The following ZFYVE16 variants were observed in gnomAD, a reference collection of about 807,000 sequenced individuals.
The protein encoded by ZFYVE16 is zinc finger FYVE domain-containing protein 16.
A neutral mutation model predicts 138.1 loss-of-function variants in ZFYVE16; 89 were observed. That is an observed-to-expected ratio of 0.64 (90% CI 0.54 to 0.77). The LOEUF is 0.77. ZFYVE16 is among the 30% of genes least tolerant of loss of function. The pLI, the probability that ZFYVE16 is intolerant of heterozygous loss-of-function variation, is 0.00. For missense variants in ZFYVE16, 1,793 were observed against 1,786.7 expected, an observed-to-expected ratio of 1.00 and a Z score of -0.06; for synonymous variants, 596 against 618.3, an observed-to-expected ratio of 0.96 and a Z score of 0.53.
chr5:80,448,003 T>A (rs1418681287), intron 7 of ZFYVE16, 23 bp from the exon 8 acceptor site: 25 of 1,533,200 alleles, frequency 1.6e-5, no homozygotes, highest in Non-Finnish European at 2.0e-5. Flanking sequence ...GATTTGTTAT[T>A]TTTTTTATTA....
chr5:80,441,028 A>G (rs1271606039), intron 5 of ZFYVE16: 2 of 985,222 alleles, frequency 2.0e-6, no homozygotes, highest in Admixed American at 6.2e-5. Flanking sequence ...TTATGTTTCC[A>G]TGTTACCACC....
In ZFYVE16 at chr5:80,437,288, C is replaced by T. The variant is rs750879003; in HGVS notation, c.603C>T (p.Ile201=). ...GTTCTGAATTACAAAATAGAGAAAT[C>T]GGAGGAATCAAAGAATTGGGTATAA... ...DISSELQNRE[I]GGIKELGIKV... Residue 201 remains isoleucine, a synonymous_variant, in exon 4 of 19, where the codon ATC becomes ATT. Transcript: ENST00000505560. The T allele has an allele frequency of 7.5e-5, 120 of 1,608,332 alleles. No homozygotes were observed. The South Asian group carries it at 8.8e-4, about 12-fold the overall frequency.
rs185048651 is a variant in ZFYVE16, at chr5:80,444,795, A to G, written c.2582-468A>G. ...AAGAATATATAGATAAGCAATATAT[A>G]TATATGCTTCAGTCTACTGCACTTT... On this transcript the variant is annotated intron_variant, in intron 6 of 18. Transcript: ENST00000505560. 3.3e-5 allele frequency among the ~76,000 whole-genome samples: 5 copies of G among 151,954 alleles called. No homozygotes were observed. The East Asian group carries it at 7.7e-4, about 23-fold the overall frequency.
chr5:80,411,788 C>T (rs1745493726), intron 1 of ZFYVE16: 1 of 152,192 alleles, frequency 6.6e-6, no homozygotes, highest in Admixed American at 6.5e-5. Flanking sequence ...TTCAAACAGT[C>T]CAAACGTGAA....
At chr5:80,427,916 G>A (rs994773528) in intron 2 of ZFYVE16, among the ~76,000 whole-genome samples, 12 of 122,940 alleles carry the variant, frequency 9.8e-5, no homozygotes, top group African/African-American at 3.5e-4. Context: ...AGGTTGCAGT[G>A]AGCCAAGACA....
rs747445748 is a variant in ZFYVE16 at position 80,436,961 on chromosome 5, A to G, written c.276A>G (p.Gln92=). Residue 92 remains glutamine, a synonymous_variant, in exon 4 of 19, where the codon CAA becomes CAG. Coordinates refer to ENST00000505560, the MANE Select transcript of ZFYVE16 (RefSeq NM_001284236.3). The part of the protein sequence containing the change: ...EKTLKGLTSI[Q]NEKNVTGLDL... ...CACTCAAGGGACTTACTTCTATACA[A>G]AATGAAAAAAATGTAACAGGACTTG... 1.2e-6 allele frequency: 2 copies of G among 1,614,116 alleles called. No homozygotes were observed. Among genetic ancestry groups the G allele is most frequent in the South Asian group, 2.2e-5 (2 of 91,078 alleles).
intron 5 of ZFYVE16, chr5:80,441,332 AG>A: frequency 5.1e-6 from 5 of 985,458 alleles, no homozygotes; most frequent in Non-Finnish European, 6.0e-6. Flanking sequence ...AAAGAAATTC[AG>A]TAGAATACTG....
In ZFYVE16 at chr5:80,476,310, A is replaced by G. The variant is rs532799580; in HGVS notation, c.4462-909A>G. On this transcript the variant is annotated intron_variant, in intron 18 of 18. Coordinates refer to ENST00000505560, the MANE Select transcript of ZFYVE16 (RefSeq NM_001284236.3). ...GACAATTTGATAGGTGAAAAATAAT[A>G]CCACATTATTATTAATATTATTATT... is the stretch of plus-strand genomic sequence containing the variant. Among the ~76,000 whole-genome samples the G allele has an allele frequency of 5.9e-5, 9 of 152,122 alleles. No individual in the cohort carries two copies. In the South Asian group the frequency reaches 1.7e-3, roughly 28 times the overall value.
At position 80,456,932 on chromosome 5, in the gene ZFYVE16, TG is replaced by T. The variant is rs769173253; in HGVS notation, c.3796-12del. The T allele has an allele frequency of 6.3e-7, 1 of 1,580,836 alleles. No individual in the cohort carries two copies. Among genetic ancestry groups the T allele is most frequent in the Non-Finnish European group, 8.5e-7 (1 of 1,169,728 alleles). On this transcript the variant is annotated splice_polypyrimidine_tract_variant and intron_variant, in intron 13 of 18. Coordinates refer to ENST00000505560, the MANE Select transcript of ZFYVE16 (RefSeq NM_001284236.3). ...GTTTCTAAATAAATGTTGTTGTTTT[TG>T]TTTTTTTCCAGGTAATGAAAGTACT...
rs1561281347 is a variant in ZFYVE16, at chr5:80,439,977, A to G, written c.2364A>G (p.Gln788=). The part of the protein sequence containing the change: ...GVCCNRKCKL[Q]YLEKEARVCV... ...GTTGTAATAGGAAGTGTAAACTGCA[A>G]TATCTAGAAAAGGAAGCAAGAGTAT... Residue 788 remains glutamine, a synonymous_variant, in exon 5 of 19, where the codon CAA becomes CAG. Transcript: ENST00000505560. The G allele has an allele frequency of 1.2e-6, 2 of 1,611,538 alleles. No individual in the cohort carries two copies. The highest frequency in any genetic ancestry group is 1.7e-6 in the Non-Finnish European group (2 of 1,178,688).
At chr5:80,435,630 G>A in intron 3 of ZFYVE16, 2 of 279,546 alleles carry the variant, frequency 7.2e-6, no homozygotes, top group Non-Finnish European at 1.4e-5. Flanking sequence ...GTGCAATGGT[G>A]CAGTCATAGC....
At position 80,462,621 on chromosome 5, in the gene ZFYVE16, T is replaced by G. The variant is rs556449342; in HGVS notation, c.4024+3127T>G. Among the ~76,000 whole-genome samples the G allele has an allele frequency of 3.3e-5, 5 of 152,286 alleles. No homozygotes were observed. The South Asian group carries it at 8.3e-4, about 25-fold the overall frequency. ...CCCTCCCAAATCTCACGTCCTCACA[T>G]TTCAAGACACAAACATGCCTTTGCA... On this transcript the variant is annotated intron_variant, in intron 15 of 18. Transcript: ENST00000505560.
At chr5:80,445,208 TAA>T in intron 6 of ZFYVE16, 53 bp from the exon 7 acceptor site, 1 of 1,582,088 alleles carries the variant, frequency 6.3e-7, no homozygotes, top group South Asian at 1.2e-5. Flanking sequence ...TTTTTGGCAT[TAA>T]ATCATTGCCA....
Position 80,426,300 on chromosome 5 carries a change from A to G in ZFYVE16, c.-93-1192A>G, listed in dbSNP as rs997989847. Among the ~76,000 whole-genome samples, 45 of 148,658 alleles carry G rather than the reference A, an allele frequency of 3.0e-4. No homozygotes were observed. In the South Asian group the frequency reaches 9.3e-3, roughly 31 times the overall value. ...TATATATATATATATATATAATTAA[A>G]TTTAAAGTTCCAGGATACATGTGCA... On this transcript the variant is annotated intron_variant, in intron 1 of 18. Coordinates refer to ENST00000505560, the MANE Select transcript of ZFYVE16 (RefSeq NM_001284236.3).
rs775754317 is a variant in ZFYVE16 at position 80,437,079 on chromosome 5, G to T, written c.394G>T (p.Asp132Tyr). Residue 132 changes from aspartate (D) to tyrosine (Y), a missense_variant, in exon 4 of 19, where the codon GAC becomes TAC. Coordinates refer to ENST00000505560, the MANE Select transcript of ZFYVE16 (RefSeq NM_001284236.3). ...TAAACCTATCTGTGATCTGATAAGT[G>T]ACATGGGTAACTTAGTTCATGCAAC... ...CSKPICDLIS[D>Y]MGNLVHATNS... The T allele has an allele frequency of 3.1e-6, 5 of 1,614,014 alleles. No homozygotes were observed. The highest frequency in any genetic ancestry group is 4.2e-6 in the Non-Finnish European group (5 of 1,180,010).
intron 15 of ZFYVE16, among the ~76,000 whole-genome samples, chr5:80,471,574 C>T (rs1013668248): frequency 6.6e-6 from 1 of 152,160 alleles, no homozygotes; most frequent in East Asian, 1.9e-4. Flanking sequence ...TCCAGTGCAT[C>T]GTTGGCACCA....
At chr5:80,474,886 T>A in intron 18 of ZFYVE16, 56 bp downstream of exon 18, 1 of 1,543,874 alleles carries the variant, frequency 6.5e-7, no homozygotes. Flanking sequence ...TATTAACAAG[T>A]TTTTCTTCAA....
At chr5:80,412,366 A>G (rs1219246466) in intron 1 of ZFYVE16, among the ~76,000 whole-genome samples, 1 of 152,164 alleles carries the variant, frequency 6.6e-6, no homozygotes, top group Non-Finnish European at 1.5e-5. Context: ...AGTTATATGT[A>G]TACATAAATA....
chr5:80,426,195 GTGTGTGGTGT>G lies in ZFYVE16; in HGVS notation c.-93-1296_-93-1287del, dbSNP rs1231612065. Among the ~76,000 whole-genome samples the G allele has an allele frequency of 9.2e-5, 11 of 118,966 alleles. 1 individual carries two copies. In the East Asian group the frequency reaches 2.7e-3, roughly 29 times the overall value. The allele number at this position is 118,966 out of a possible 152,430, so 78.0% of individuals were successfully genotyped here. ...TTGAGATATATATATATATATGTGT[GTGTGTGGTGT>G]GTGTGTGTGTGTGTGTGTGTGTGTA... On this transcript the variant is annotated intron_variant, in intron 1 of 18. Transcript: ENST00000505560.
Sources: allele counts gnomAD v4.1 joint callset (sites outside exome capture counted in the v4.1 genomes callset), GRCh38; gene constraint gnomAD v4.1.1; transcripts MANE v1.5; gene names NCBI Gene and HGNC (gene_info 2026-07-23, HGNC 2026-07-21).